ADORA2B: variants seen among roughly 807,000 people sequenced by gnomAD.
ADORA2B encodes the protein adenosine A2b receptor.
ADORA2B carries 18 observed loss-of-function variants against 20.8 expected under a neutral mutation model. The observed-to-expected ratio is 0.87, with a 90% CI of 0.60 to 1.29. The LOEUF (loss-of-function observed/expected upper bound fraction) is 1.29. Among genes scored for constraint, ADORA2B ranks in the 50% most tolerant of loss-of-function variants. The probability of loss-of-function intolerance (pLI) is 0.00; values close to 1 mark genes in which losing one functional copy is unlikely to be tolerated. For synonymous variants in ADORA2B, 179 were observed against 178.3 expected (o/e 1.00, Z -0.03); for missense variants, 441 against 422.7 (o/e 1.04, Z -0.38).
the ADORA2B span, among the ~76,000 whole-genome samples, chr17:15,871,223 C>G: frequency 2.7e-3 from 404 of 152,174 alleles, 4 homozygotes; most frequent in African/African-American, 9.3e-3. Flanking sequence ...AGTGTAGAGA[C>G]CTGTCAGATT....
chr17:15,927,752 G>A, the ADORA2B span, among the ~76,000 whole-genome samples: 4 of 152,190 alleles, frequency 2.6e-5, no homozygotes, highest in Admixed American at 6.5e-5. Flanking sequence ...CAGATGGAGC[G>A]GCTGTGGAGA....
chr17:15,926,187 A>T, the ADORA2B span, among the ~76,000 whole-genome samples: 55 of 152,236 alleles, frequency 3.6e-4, 1 homozygote, highest in South Asian at 6.2e-4. Context: ...CAGATGCTCT[A>T]CAGGCTCCTA....
At chr17:15,949,188 A>G (rs1969859346) in intron 1 of ADORA2B, among the ~76,000 whole-genome samples, 1 of 148,388 alleles carries the variant, frequency 6.7e-6, no homozygotes, top group Non-Finnish European at 1.5e-5. Flanking sequence ...ACCTTGGGCA[A>G]CAAGAGCAAA....
intron 1 of ADORA2B, among the ~76,000 whole-genome samples, chr17:15,968,734 C>T (rs955823395): frequency 6.6e-6 from 1 of 152,196 alleles, no homozygotes; most frequent in Non-Finnish European, 1.5e-5. Flanking sequence ...TGTAGCCTTT[C>T]TGAGCCTTGG....
At chr17:15,898,666 C>T in the ADORA2B span, among the ~76,000 whole-genome samples, 12 of 152,036 alleles carry the variant, frequency 7.9e-5, no homozygotes, top group African/African-American at 2.4e-4. Context: ...TGCGCCCGGC[C>T]TTGCTTTTTA....
In ADORA2B at chr17:15,974,984, A is replaced by G. The variant is rs753494838; in HGVS notation, c.641A>G (p.Gln214Arg). The change falls in exon 2 of 2, where the codon CAG becomes CGG. Residue 214 changes from glutamine (Q) to arginine (R), a missense_variant. Coordinates refer to ENST00000304222, the MANE Select transcript of ADORA2B (RefSeq NM_000676.4). The stretch of plus-strand genomic sequence containing the variant: ...TTCCTGGTGGCCTGCAGGCAGCTTC[A>G]GCGCACTGAGCTGATGGACCACTCG... ...KIFLVACRQL[Q>R]RTELMDHSRT... The G allele has an allele frequency of 5.0e-6, 8 of 1,614,200 alleles. No individual in the cohort carries two copies. The highest frequency in any genetic ancestry group is 5.9e-6 in the Non-Finnish European group (7 of 1,180,038).
At position 15,945,254 on chromosome 17, in the gene ADORA2B, G is replaced by T; in HGVS notation, c.6G>T (p.Leu2=). The T allele has an allele frequency of 6.8e-7, 1 of 1,476,828 alleles. No individual in the cohort carries two copies. Among genetic ancestry groups the T allele is most frequent in the Non-Finnish European group, 9.0e-7 (1 of 1,115,964 alleles). 91.5% of individuals were successfully genotyped at this position (1,476,828 alleles called of 1,614,324 possible). A position where few individuals can be genotyped will look rare whatever the true frequency, so the allele number is the denominator to read the frequency against. ...GGGGCCCAGCTGGCCCGGCCATGCT[G>T]CTGGAGACACAGGACGCGCTGTACG... M[L]LETQDALYVA... Residue 2 remains leucine, a synonymous_variant, in exon 1 of 2, where the codon CTG becomes CTT. Coordinates refer to ENST00000304222, the MANE Select transcript of ADORA2B (RefSeq NM_000676.4).
the ADORA2B span, among the ~76,000 whole-genome samples, chr17:15,871,571 CTGTT>C: frequency 1.5e-4 from 23 of 152,202 alleles, no homozygotes; most frequent in African/African-American, 4.3e-4. Flanking sequence ...GGTTCTGAAA[CTGTT>C]TGTGCAAACA....
At chr17:15,967,009 G>C (rs1482177747) in intron 1 of ADORA2B, among the ~76,000 whole-genome samples, 3 of 152,216 alleles carry the variant, frequency 2.0e-5, no homozygotes, top group Non-Finnish European at 4.4e-5. Flanking sequence ...ATGGACAAAC[G>C]CATGCAGACC....
chr17:15,874,703 A>G, the ADORA2B span, among the ~76,000 whole-genome samples: 1 of 152,074 alleles, frequency 6.6e-6, no homozygotes, highest in Admixed American at 6.6e-5. Context: ...GGGGATAAAA[A>G]ATGGCCATAA....
chr17:15,890,789 G>A, the ADORA2B span, among the ~76,000 whole-genome samples: 1 of 152,136 alleles, frequency 6.6e-6, no homozygotes, highest in Non-Finnish European at 1.5e-5. Flanking sequence ...ATGAGAGAGG[G>A]TAGCCGAAGC....
At chr17:15,889,820 C>A in the ADORA2B span, among the ~76,000 whole-genome samples, 2 of 129,516 alleles carry the variant, frequency 1.5e-5, no homozygotes, top group Admixed American at 1.5e-4. Flanking sequence ...ATCACTTGAA[C>A]CTGGGAGGTA....
the ADORA2B span, among the ~76,000 whole-genome samples, chr17:15,897,968 AG>A: frequency 6.6e-6 from 1 of 152,164 alleles, no homozygotes; most frequent in South Asian, 2.1e-4. Flanking sequence ...TTACTCAAAA[AG>A]AAGTAAAACT....
chr17:15,901,591 C>T, the ADORA2B span, among the ~76,000 whole-genome samples: 6 of 152,128 alleles, frequency 3.9e-5, no homozygotes, highest in Admixed American at 6.6e-5. Context: ...ATTGAACCCT[C>T]ATGGAGGTTC....
chr17:15,867,071 T>G, the ADORA2B span, among the ~76,000 whole-genome samples: 1 of 151,986 alleles, frequency 6.6e-6, no homozygotes. Context: ...GCAGACGGAG[T>G]CGCGTTCACT....
the ADORA2B span, among the ~76,000 whole-genome samples, chr17:15,859,765 A>G: frequency 6.6e-4 from 100 of 152,324 alleles, no homozygotes; most frequent in African/African-American, 2.3e-3. Context: ...CAGCCTAGGC[A>G]ACATAGCGAA....
the ADORA2B span, among the ~76,000 whole-genome samples, chr17:15,926,468 G>A: frequency 6.6e-6 from 1 of 152,082 alleles, no homozygotes; most frequent in Non-Finnish European, 1.5e-5. Flanking sequence ...GTATGCGGGG[G>A]GAACCATGTG....
intron 1 of ADORA2B, 43 bp from the exon 2 acceptor site, chr17:15,974,636 A>G (rs1970225395): frequency 6.5e-7 from 1 of 1,535,342 alleles, no homozygotes; most frequent in Non-Finnish European, 8.8e-7. Context: ...GTGGTTGCAG[A>G]GCGCTATAAA....
Position 15,952,370 on chromosome 17 carries a change from C to T in ADORA2B, c.335+6787C>T, listed in dbSNP as rs537709174. Among the ~76,000 whole-genome samples, 47 of 152,178 alleles carry T rather than the reference C, an allele frequency of 3.1e-4. No homozygotes were observed. The South Asian group carries it at 8.9e-3, about 29-fold the overall frequency. On this transcript the variant is annotated intron_variant, in intron 1 of 1. Transcript: ENST00000304222. ...CCTAATCTCCTTTGATCTTTGCGAC[C>T]GCCCTATGGGAGCAGATGGAGTTAT...
Sources: allele counts gnomAD v4.1 joint callset (sites outside exome capture counted in the v4.1 genomes callset), GRCh38; gene constraint gnomAD v4.1.1; transcripts MANE v1.5; gene names NCBI Gene and HGNC (gene_info 2026-07-23, HGNC 2026-07-21).